C8orf34: variants seen among roughly 807,000 people sequenced by gnomAD.
The protein encoded by C8orf34 is uncharacterized protein C8orf34.
A neutral mutation model predicts 68.3 loss-of-function variants in C8orf34; 65 were observed. The ratio of observed to expected loss-of-function variants is 0.95; its 90% confidence interval spans 0.78 to 1.17. The LOEUF (loss-of-function observed/expected upper bound fraction) is 1.17, where lower values mean the gene tolerates loss of function less well. Ranked by LOEUF, C8orf34 falls within the 50% of genes most tolerant of loss-of-function variation. The probability of loss-of-function intolerance (pLI) is 0.00; values close to 1 mark genes in which losing one functional copy is unlikely to be tolerated. For missense variants in C8orf34, 664 were observed against 655.4 expected (o/e 1.01, Z -0.14); for synonymous variants, 244 against 241.2 (o/e 1.01, Z -0.11).
At chr8:68,575,956 G>GGTTTTTTTTTT (rs747862590) in intron 7 of C8orf34, among the ~76,000 whole-genome samples, 1 of 96,350 alleles carries the variant, frequency 1.0e-5, no homozygotes, top group Non-Finnish European at 2.1e-5. Flanking sequence ...GTAGATGGTT[G>GGTTTTTTTTTT]TTTTTTTTTT....
At chr8:68,331,783 C>CTTTT (rs552564162) in intron 1 of C8orf34, among the ~76,000 whole-genome samples, 796 of 29,422 alleles carry the variant, frequency 0.027, 191 homozygotes, top group Non-Finnish European at 0.035. Context: ...TTCTTTCCTT[C>CTTTT]TTTTTTTTTT....
intron 13 of C8orf34, among the ~76,000 whole-genome samples, 160 bp downstream of exon 13, chr8:68,816,105 AGTGTGTGTGTGTGT>A (rs71554629): frequency 4.2e-5 from 6 of 144,516 alleles, no homozygotes; most frequent in African/African-American, 1.0e-4. Flanking sequence ...ATTTCCTAAG[AGTGTGTGTGTGTGT>A]GTGTGTGTGT....
intron 12 of C8orf34, among the ~76,000 whole-genome samples, chr8:68,804,182 T>G (rs1454257668): frequency 6.6e-6 from 1 of 152,196 alleles, no homozygotes; most frequent in Non-Finnish European, 1.5e-5. Context: ...CCCTATGTAT[T>G]GAAACTTAAC....
chr8:68,413,464 A>G (rs1563416975), intron 1 of C8orf34, among the ~76,000 whole-genome samples: 1 of 152,198 alleles, frequency 6.6e-6, no homozygotes, highest in Non-Finnish European at 1.5e-5. Flanking sequence ...AAGCATTAAA[A>G]CACATTAATT....
At chr8:68,513,735 A>G (rs1814381010) in intron 5 of C8orf34, among the ~76,000 whole-genome samples, 1 of 152,214 alleles carries the variant, frequency 6.6e-6, no homozygotes, top group African/African-American at 2.4e-5. Context: ...GGGAAGGGGA[A>G]CGCAGTGGCA....
intron 7 of C8orf34, among the ~76,000 whole-genome samples, chr8:68,571,671 T>G (rs1346141568): frequency 1.3e-5 from 2 of 152,184 alleles, no homozygotes; most frequent in Non-Finnish European, 2.9e-5. Context: ...CAAGTGGCAC[T>G]TACAGAAAAG....
intron 4 of C8orf34, among the ~76,000 whole-genome samples, chr8:68,473,305 A>G (rs1812460716): frequency 6.6e-6 from 1 of 152,146 alleles, no homozygotes; most frequent in African/African-American, 2.4e-5. Flanking sequence ...TCTGACTTAC[A>G]TAGGGCCCAA....
rs1315286810 is a variant in C8orf34 at position 68,331,320 on chromosome 8, A to G, written c.308A>G (p.Lys103Arg). ...TRIQAYLEKN[K>R]IGPLFEELMT... ...ATCCAGGCTTACCTGGAGAAGAACAAGATCGGTCCCCTGTTTGAGGTAAGG... is the reference window on the plus strand; with the variant it reads ...ATCCAGGCTTACCTGGAGAAGAACAGGATCGGTCCCCTGTTTGAGGTAAGG... Residue 103 changes from lysine to arginine, a missense_variant, in exon 1 of 14, where the codon AAG (lysine) becomes AGG (arginine). Transcript: ENST00000518698. The G allele has an allele frequency of 7.8e-6, 12 of 1,536,346 alleles. No homozygotes were observed. Among genetic ancestry groups the G allele is most frequent in the Middle Eastern group, 1.7e-4 (1 of 6,014 alleles).
chr8:68,470,377 C>G (rs1231285718), intron 4 of C8orf34, among the ~76,000 whole-genome samples: 1 of 152,058 alleles, frequency 6.6e-6, no homozygotes, highest in East Asian at 1.9e-4. Flanking sequence ...AACTTTTGTC[C>G]TTTAAAATGT....
At chr8:68,730,831 A>G (rs1821958785) in intron 10 of C8orf34, among the ~76,000 whole-genome samples, 1 of 152,058 alleles carries the variant, frequency 6.6e-6, no homozygotes, top group Non-Finnish European at 1.5e-5. Context: ...GGCAAATAAT[A>G]CCCAAGGAGA....
chr8:68,629,547 C>T (rs1818629238), intron 7 of C8orf34, among the ~76,000 whole-genome samples: 1 of 152,094 alleles, frequency 6.6e-6, no homozygotes, highest in South Asian at 2.1e-4. Context: ...TTCCAAAAGT[C>T]AATCCTATGT....
chr8:68,504,644 C>T lies in C8orf34; in HGVS notation c.765+16593C>T, dbSNP rs184233287. ...CAGCGATTCTCCTGCCTCAGCCTCC[C>T]GAATAGCTGGCATTACATGCATGTG... On this transcript the variant is annotated intron_variant, in intron 5 of 13. Transcript: ENST00000518698. 7.2e-4 allele frequency among the ~76,000 whole-genome samples: 109 copies of T among 151,848 alleles called. 2 individuals carry two copies. The East Asian group carries it at 0.02, about 27-fold the overall frequency.
At chr8:68,638,451 T>A (rs1393156194) in intron 7 of C8orf34, among the ~76,000 whole-genome samples, 1 of 152,168 alleles carries the variant, frequency 6.6e-6, no homozygotes, top group Non-Finnish European at 1.5e-5. Flanking sequence ...TAGCAAAATA[T>A]TCCATTAGAA....
At chr8:68,534,645 G>A (rs1815385978) in intron 7 of C8orf34, 1 of 985,340 alleles carries the variant, frequency 1.0e-6, no homozygotes, top group African/African-American at 1.7e-5. Context: ...GGTGGGGTGT[G>A]GTCATTGTAG....
chr8:68,368,672 G>A (rs1807423354), intron 1 of C8orf34, among the ~76,000 whole-genome samples: 1 of 152,082 alleles, frequency 6.6e-6, no homozygotes, highest in Non-Finnish European at 1.5e-5. Flanking sequence ...ATTAAAAGTT[G>A]AGTCCAGTAA....
intron 3 of C8orf34, among the ~76,000 whole-genome samples, chr8:68,467,211 G>A (rs1024811416): frequency 7.9e-5 from 12 of 151,874 alleles, no homozygotes; most frequent in African/African-American, 2.7e-4. Context: ...TATTTCAAAT[G>A]TTGATTAAAT....
intron 10 of C8orf34, among the ~76,000 whole-genome samples, chr8:68,741,251 C>T (rs76648845): frequency 0.051 from 7,817 of 151,980 alleles, 249 homozygotes; most frequent in Middle Eastern, 0.11. Flanking sequence ...AAAATTCTTC[C>T]GACATTCATA....
At chr8:68,696,479 A>G (rs1327459500) in intron 8 of C8orf34, among the ~76,000 whole-genome samples, 1 of 151,388 alleles carries the variant, frequency 6.6e-6, no homozygotes, top group Non-Finnish European at 1.5e-5. Flanking sequence ...AGTACTGAGC[A>G]TTTTTCTGAC....
At chr8:68,534,341 G>A (rs997381240) in intron 7 of C8orf34, 2 of 984,950 alleles carry the variant, frequency 2.0e-6, no homozygotes, top group Non-Finnish European at 2.4e-6. Flanking sequence ...TGTGGCAGTG[G>A]TAGCTTCATT....
Sources: gnomAD v4.1 joint callset for allele counts (sites outside exome capture counted in the v4.1 genomes callset) on GRCh38, gnomAD v4.1.1 for gene constraint, MANE v1.5 for transcripts, NCBI Gene and HGNC (gene_info 2026-07-23, HGNC 2026-07-21) for gene names.